The following PCNX4 variants were observed in gnomAD, a reference collection of about 807,000 sequenced individuals.
The protein encoded by PCNX4 is pecanex-like protein 4.
In PCNX4, 103 loss-of-function variants were observed where a neutral mutation model predicts 107.2. That is an observed-to-expected ratio of 0.96 (90% CI 0.82 to 1.13). PCNX4 has a LOEUF of 1.13. Among genes scored for constraint, PCNX4 ranks in the 50% most tolerant of loss-of-function variants. The pLI, the probability that PCNX4 is intolerant of heterozygous loss-of-function variation, is 0.00. For synonymous variants in PCNX4, 541 were observed against 481.7 expected (o/e 1.12, Z -1.61); for missense variants, 1,528 against 1,379.4 (o/e 1.11, Z -1.71).
At chr14:60,095,594 C>A (rs1410922546) in intron 1 of PCNX4, among the ~76,000 whole-genome samples, 2 of 152,124 alleles carry the variant, frequency 1.3e-5, no homozygotes. Context: ...ATTTAATTTC[C>A]TTTCACATTT....
intron 7 of PCNX4, among the ~76,000 whole-genome samples, chr14:60,119,492 G>C (rs997067002): frequency 6.6e-6 from 1 of 152,228 alleles, no homozygotes; most frequent in East Asian, 1.9e-4. Flanking sequence ...TTAATAAAAT[G>C]CTTACTTCAG....
At chr14:60,098,175 C>A (rs1251534137) in intron 1 of PCNX4, among the ~76,000 whole-genome samples, 4 of 152,128 alleles carry the variant, frequency 2.6e-5, no homozygotes, top group African/African-American at 9.7e-5. Context: ...GATAACCTTC[C>A]CCCTGGCTGG....
rs769413483 is a variant in PCNX4 at position 60,108,213 on chromosome 14, T to G, written c.575T>G (p.Ile192Ser). ...MTLCIAEYSL[I>S]VNTATETATF... ...CTATGTATAGCAGAATATTCTTTAA[T>G]TGTAAACACAGCTACAGAGACTGCG... The change falls in exon 2 of 11, where the codon ATT becomes AGT. Residue 192 changes from isoleucine (I) to serine (S), a missense_variant. Physicochemically the swap from Ile to Ser is moderately radical, Grantham distance 142 (BLOSUM62 -2). Coordinates refer to ENST00000406854, the MANE Select transcript of PCNX4 (RefSeq NM_001330177.2). The G allele has an allele frequency of 1.2e-6, 2 of 1,612,780 alleles. No individual in the cohort carries two copies. The highest frequency in any genetic ancestry group is 3.3e-5 in the Admixed American group (2 of 60,032).
intron 2 of PCNX4, chr14:60,110,851 T>C (rs904644294): frequency 6.0e-6 from 1 of 167,052 alleles, no homozygotes; most frequent in Non-Finnish European, 1.5e-5. Flanking sequence ...TGGAATGTTA[T>C]AGACTAATTG....
chr14:60,123,308 A>G (rs965707959), intron 8 of PCNX4, among the ~76,000 whole-genome samples: 2 of 152,074 alleles, frequency 1.3e-5, no homozygotes, highest in African/African-American at 4.8e-5. Flanking sequence ...ATTAACAATT[A>G]TATTAATACT....
Position 60,108,283 on chromosome 14 carries a change from A to C in PCNX4, c.645A>C (p.Arg215Ser). The C allele has an allele frequency of 1.2e-6, 2 of 1,610,632 alleles. No individual in the cohort carries two copies. Among genetic ancestry groups the C allele is most frequent in the Non-Finnish European group, 1.7e-6 (2 of 1,179,274 alleles). The change falls in exon 2 of 11, where the codon AGA becomes AGC. Residue 215 changes from arginine (R) to serine (S), a missense_variant. Physicochemically the swap from Arg to Ser is moderately radical, Grantham distance 110. Coordinates refer to ENST00000406854, the MANE Select transcript of PCNX4 (RefSeq NM_001330177.2). ...CTTATGAAATTATTCCTCTTATGAG[A>C]CCTCTTTATATTTTTTTCTTTGTTT... ...QDTYEIIPLM[R>S]PLYIFFFVSV...
At chr14:60,118,195 T>C in intron 6 of PCNX4, 134 bp from the exon 7 acceptor site, 1 of 1,278,892 alleles carries the variant, frequency 7.8e-7, no homozygotes, top group Non-Finnish European at 1.0e-6. Flanking sequence ...AACAAAAAAA[T>C]CAAAGAATAA....
chr14:60,122,824 G>C (rs568634008), intron 8 of PCNX4, among the ~76,000 whole-genome samples: 2 of 152,172 alleles, frequency 1.3e-5, no homozygotes, highest in South Asian at 4.1e-4. Flanking sequence ...ATAATGAATA[G>C]TAAGTGAATT....
In PCNX4 at chr14:60,137,526, T is replaced by C. The variant is rs1896253706; in HGVS notation, c.*3305T>C. 1.3e-5 allele frequency: 2 copies of C among 152,236 alleles called. No individual in the cohort carries two copies. The highest frequency in any genetic ancestry group is 2.9e-5 in the Non-Finnish European group (2 of 68,046). 9.4% of individuals were successfully genotyped at this position (152,236 alleles called of 1,614,324 possible). ...GGACTGATCTTTTGAGTTATTTTTA[T>C]AACTTTTCATGTTTAGTGTTGGAAA... On this transcript the variant is annotated 3_prime_UTR_variant, in exon 11 of 11. Transcript: ENST00000406854.
In PCNX4 at chr14:60,125,713, G is replaced by A; in HGVS notation, c.3157G>A (p.Glu1053Lys). ...EDFRELIKYL[E>K]EYERDWYIGL... ...CTTTAGAGAACTGATTAAGTACCTT[G>A]AAGAATATGAACGTGACTGGTACAT... is the stretch of plus-strand genomic sequence containing the variant. Residue 1053 changes from glutamate to lysine, a missense_variant, in exon 10 of 11, where the codon GAA becomes AAA. Glu to Lys is a moderately conservative substitution (Grantham distance 56). Transcript: ENST00000406854. The A allele has an allele frequency of 1.9e-6, 3 of 1,609,184 alleles. No homozygotes were observed. The highest frequency in any genetic ancestry group is 2.2e-5 in the South Asian group (2 of 90,276).
At chr14:60,121,067 C>A in intron 7 of PCNX4, 129 bp from the exon 8 acceptor site, 1 of 1,156,104 alleles carries the variant, frequency 8.6e-7, no homozygotes, top group Non-Finnish European at 1.2e-6. Context: ...TGTTCTTGAC[C>A]TAATGAGAGG....
In PCNX4 at chr14:60,136,674, T is replaced by TA. The variant is rs1301311014; in HGVS notation, c.*2454dup. On this transcript the variant is annotated 3_prime_UTR_variant, in exon 11 of 11. Transcript: ENST00000406854. ...CCGCTGCTTACAGGCTGGGCGTACTTATAGGCATGGGTGAGAGGGGTCTGG... is the reference window on the plus strand; with the variant it reads ...CCGCTGCTTACAGGCTGGGCGTACTTAATAGGCATGGGTGAGAGGGGTCTGG... 1 of 152,364 alleles carries TA rather than the reference T, an allele frequency of 6.6e-6. No individual in the cohort carries two copies. Among genetic ancestry groups the TA allele is most frequent in the African/African-American group, 2.4e-5 (1 of 41,420 alleles). 9.4% of individuals were successfully genotyped at this position (152,364 alleles called of 1,614,324 possible). A position where few individuals can be genotyped will look rare whatever the true frequency, so the allele number is the denominator to read the frequency against.
intron 1 of PCNX4, among the ~76,000 whole-genome samples, chr14:60,106,060 G>C (rs1261850119): frequency 6.6e-6 from 1 of 152,080 alleles, no homozygotes; most frequent in East Asian, 1.9e-4. Context: ...TGACGTCAGT[G>C]CAGGAGACAA....
intron 10 of PCNX4, among the ~76,000 whole-genome samples, chr14:60,126,689 C>G (rs962719788): frequency 4.6e-5 from 7 of 152,168 alleles, no homozygotes; most frequent in African/African-American, 1.7e-4. Flanking sequence ...GGCAGGAGTT[C>G]AACGTTTTTA....
Position 60,143,542 on chromosome 14 carries a change from G to A in PCNX4, c.*9321G>A, listed in dbSNP as rs1385282276. On this transcript the variant is annotated 3_prime_UTR_variant, in exon 11 of 11. Transcript: ENST00000406854. ...TTGCAAAATGAGCACTATCTTCTGT[G>A]CACATATATTTGTGTATGTGAACAG... 6.6e-6 allele frequency: 1 copy of A among 152,270 alleles called. No homozygotes were observed. The highest frequency in any genetic ancestry group is 1.9e-4 in the East Asian group (1 of 5,188). 9.4% of individuals were successfully genotyped at this position (152,270 alleles called of 1,614,324 possible).
In PCNX4 at chr14:60,143,987, T is replaced by G. The variant is rs1896339110; in HGVS notation, c.*9766T>G. 1.3e-5 allele frequency: 2 copies of G among 152,254 alleles called. No homozygotes were observed. The highest frequency in any genetic ancestry group is 4.1e-4 in the South Asian group (2 of 4,832). 9.4% of individuals were successfully genotyped at this position (152,254 alleles called of 1,614,324 possible). ...ATCTAATCATGGCTTTACCCCTTAC[T>G]AGCTTTGTGACCTTGACCTTGGAAA... On this transcript the variant is annotated 3_prime_UTR_variant, in exon 11 of 11. Coordinates refer to ENST00000406854, the MANE Select transcript of PCNX4 (RefSeq NM_001330177.2).
chr14:60,123,974 A>G (rs1235232749), intron 8 of PCNX4, among the ~76,000 whole-genome samples: 2 of 152,092 alleles, frequency 1.3e-5, no homozygotes, highest in African/African-American at 4.8e-5. Flanking sequence ...AATTTGCTCA[A>G]TTTCTAGTAG....
rs533203901 is a variant in PCNX4, at chr14:60,093,299, C to G, written c.-54+880C>G. Among the ~76,000 whole-genome samples the G allele has an allele frequency of 4.6e-5, 7 of 152,266 alleles. No homozygotes were observed. The South Asian group carries it at 1.5e-3, about 32-fold the overall frequency. On this transcript the variant is annotated intron_variant, in intron 1 of 10. Transcript: ENST00000406854. Reference sequence around the variant, plus strand: ...ACCCTTACCACAGTCAAGTTTGGAACATTTTCATCACCCCAAAAAGAAACC... The same window carrying G: ...ACCCTTACCACAGTCAAGTTTGGAAGATTTTCATCACCCCAAAAAGAAACC...
chr14:60,103,150 C>G (rs1204405800), intron 1 of PCNX4, among the ~76,000 whole-genome samples: 1 of 152,140 alleles, frequency 6.6e-6, no homozygotes, highest in Non-Finnish European at 1.5e-5. Flanking sequence ...CATGACATTC[C>G]TCCTTAACTG....
Sources: allele counts gnomAD v4.1 joint callset (sites outside exome capture counted in the v4.1 genomes callset), GRCh38; gene constraint gnomAD v4.1.1; transcripts MANE v1.5; gene names NCBI Gene and HGNC (gene_info 2026-07-23, HGNC 2026-07-21).